Variants in CATSPERD observed in about 807,000 individuals in gnomAD.
CATSPERD encodes cation channel sperm-associated auxiliary subunit delta.
A neutral mutation model predicts 98.1 loss-of-function variants in CATSPERD; 86 were observed. That is an observed-to-expected ratio of 0.88 (90% CI 0.74 to 1.05). The LOEUF (loss-of-function observed/expected upper bound fraction) is 1.05. CATSPERD is among the 50% of genes least tolerant of loss of function. CATSPERD has a pLI of 0.00. For synonymous variants in CATSPERD, 394 were observed against 390.2 expected (o/e 1.01, Z -0.12); for missense variants, 995 against 1,005.7 (o/e 0.99, Z 0.14).
Position 5,750,234 on chromosome 19 carries a change from T to G in CATSPERD, c.987+1051T>G, listed in dbSNP as rs371317836. On this transcript the variant is annotated intron_variant, in intron 11 of 21. Coordinates refer to ENST00000381624, the MANE Select transcript of CATSPERD (RefSeq NM_152784.4). ...GTGGCCAAGGTGGGCGGATCACGAG[T>G]TCAGGAGATCGTGACCATCCTGGCT... Among the ~76,000 whole-genome samples the G allele has an allele frequency of 2.6e-3, 370 of 144,936 alleles. 1 individual carries two copies. Among genetic ancestry groups the G allele is most frequent in the Middle Eastern group, 0.011 (3 of 262 alleles).
chr19:5,754,133 T>TAG lies in CATSPERD; in HGVS notation c.1169_1170dup (p.Phe391SerfsTer3), dbSNP rs1476567620. On this transcript the variant is annotated frameshift_variant and splice_region_variant, in exon 13 of 22. Coordinates refer to ENST00000381624, the MANE Select transcript of CATSPERD (RefSeq NM_152784.4). LOFTEE classifies it high-confidence loss of function. ...TTTCTTCTTCGCCTTTTTAACTAGA[T>TAG]AGAGTTTCTGACAGGAGAATTTATA... The TAG allele has an allele frequency of 6.3e-7, 1 of 1,595,408 alleles. No individual in the cohort carries two copies. The highest frequency in any genetic ancestry group is 2.2e-5 in the East Asian group (1 of 44,806).
At chr19:5,728,784 C>T (rs573609060) in intron 3 of CATSPERD, among the ~76,000 whole-genome samples, 5 of 151,324 alleles carry the variant, frequency 3.3e-5, no homozygotes, top group Middle Eastern at 3.4e-3. Context: ...CTGCAACCTC[C>T]GCCTCCTGGG....
In CATSPERD at chr19:5,778,633, C is replaced by T. The variant is rs376284869; in HGVS notation, c.2354C>T (p.Pro785Leu). 312 of 1,613,540 alleles carry T rather than the reference C, an allele frequency of 1.9e-4. 4 individuals carry two copies. The South Asian group carries it at 3.2e-3, about 17-fold the overall frequency. ...SATARAGTEP[P>L]GRHRTPHGGR... ...ACAGCCAGGGCAGGCACAGAGCCCC[C>T]GGGACGCCACCGCACTCCTCACGGA... Residue 785 changes from proline to leucine, a missense_variant, in exon 22 of 22, where the codon CCG becomes CTG. Physicochemically the swap from Pro to Leu is moderately conservative, Grantham distance 98 (BLOSUM62 -3). Transcript: ENST00000381624.
At chr19:5,738,669 C>T (rs1201221359) in intron 6 of CATSPERD, among the ~76,000 whole-genome samples, 4 of 152,298 alleles carry the variant, frequency 2.6e-5, no homozygotes, top group South Asian at 2.1e-4. Context: ...TTGCAACCTC[C>T]GCCTCCCAGG....
intron 8 of CATSPERD, among the ~76,000 whole-genome samples, chr19:5,745,273 A>G (rs1476404234): frequency 1.3e-5 from 2 of 152,042 alleles, no homozygotes; most frequent in Non-Finnish European, 2.9e-5. Flanking sequence ...TTCAGTATGT[A>G]ATCAATATAA....
At chr19:5,763,847 C>CTTTTTTTTTTTTTTTTTTTTTATTTTTTT (rs56352544) in intron 16 of CATSPERD, among the ~76,000 whole-genome samples, 1 of 62,120 alleles carries the variant, frequency 1.6e-5, no homozygotes, top group Non-Finnish European at 3.2e-5. Flanking sequence ...TCTTGAACTC[C>CTTTTTTTTTTTTTTTTTTTTTATTTTTTT]TTTTTTTTTT....
intron 5 of CATSPERD, among the ~76,000 whole-genome samples, chr19:5,736,311 G>A (rs1341540127): frequency 2.6e-5 from 4 of 152,124 alleles, no homozygotes; most frequent in Admixed American, 6.6e-5. Context: ...TTGAGTGGTG[G>A]GTAGAGATAC....
At chr19:5,739,842 A>AAAAG (rs2055922338) in intron 7 of CATSPERD, among the ~76,000 whole-genome samples, 1 of 132,984 alleles carries the variant, frequency 7.5e-6, no homozygotes, top group African/African-American at 2.9e-5. Flanking sequence ...TCATCTCAAA[A>AAAAG]AAAAAAAAAA....
At chr19:5,762,357 G>A (rs774457899) in intron 15 of CATSPERD, among the ~76,000 whole-genome samples, 11 of 151,824 alleles carry the variant, frequency 7.2e-5, no homozygotes, top group Non-Finnish European at 1.6e-4. Flanking sequence ...ACCCACTGAG[G>A]CCAGCCCCAT....
rs148496323 is a variant in CATSPERD at position 5,743,648 on chromosome 19, GTCTCTC to G, written c.574-767_574-762del. On this transcript the variant is annotated intron_variant, in intron 7 of 21. Coordinates refer to ENST00000381624, the MANE Select transcript of CATSPERD (RefSeq NM_152784.4). ...TAGCAGTCTTAGTCTCTCTGTCTCTGTCTCTCTCTCTCTCTCTTCCTCTCTCTCTCT... is the reference window on the plus strand; with the variant it reads ...TAGCAGTCTTAGTCTCTCTGTCTCTGTCTCTCTCTCTTCCTCTCTCTCTCT... Among the ~76,000 whole-genome samples, 24 of 144,976 alleles carry G rather than the reference GTCTCTC, an allele frequency of 1.7e-4. No homozygotes were observed. The South Asian group carries it at 2.2e-3, about 13-fold the overall frequency.
chr19:5,744,990 T>C (rs2056067527), intron 8 of CATSPERD, among the ~76,000 whole-genome samples: 1 of 151,978 alleles, frequency 6.6e-6, no homozygotes, highest in Non-Finnish European at 1.5e-5. Flanking sequence ...TCACCCAGGC[T>C]GGAGTGCAGT....
intron 14 of CATSPERD, among the ~76,000 whole-genome samples, chr19:5,758,783 G>T (rs975926129): frequency 1.3e-5 from 2 of 151,432 alleles, no homozygotes; most frequent in Non-Finnish European, 2.9e-5. Context: ...CATTAGCCAG[G>T]CATGGTAACG....
chr19:5,724,361 C>G (rs2055562296), intron 1 of CATSPERD, among the ~76,000 whole-genome samples: 1 of 152,062 alleles, frequency 6.6e-6, no homozygotes, highest in Admixed American at 6.6e-5. Context: ...CCACGCCCAG[C>G]CTCATCCAAT....
chr19:5,743,594 A>C (rs2056032188), intron 7 of CATSPERD, among the ~76,000 whole-genome samples: 1 of 139,458 alleles, frequency 7.2e-6, no homozygotes, highest in Admixed American at 7.9e-5. Flanking sequence ...GTGAGACTCC[A>C]TCTCAAAAAA....
rs539900740 is a variant in CATSPERD, at chr19:5,750,228, C to T, written c.987+1045C>T. On this transcript the variant is annotated intron_variant, in intron 11 of 21. Transcript: ENST00000381624. ...CCTTGGGTGGCCAAGGTGGGCGGAT[C>T]ACGAGTTCAGGAGATCGTGACCATC... Among the ~76,000 whole-genome samples, 7 of 148,228 alleles carry T rather than the reference C, an allele frequency of 4.7e-5. No homozygotes were observed. The East Asian group carries it at 1.2e-3, about 26-fold the overall frequency.
At chr19:5,721,333 C>G (rs929645726) in intron 1 of CATSPERD, among the ~76,000 whole-genome samples, 1 of 149,818 alleles carries the variant, frequency 6.7e-6, no homozygotes, top group Non-Finnish European at 1.5e-5. Flanking sequence ...TTTTTGGAGC[C>G]GGAGTTTTTG....
chr19:5,745,866 C>T, intron 8 of CATSPERD, 47 bp from the exon 9 acceptor site: 2 of 1,605,418 alleles, frequency 1.2e-6, no homozygotes, highest in Non-Finnish European at 1.7e-6. Context: ...CAGTGGGACT[C>T]CACAGTAGGG....
intron 9 of CATSPERD, among the ~76,000 whole-genome samples, chr19:5,747,902 G>A (rs1445987131): frequency 1.3e-5 from 2 of 152,066 alleles, no homozygotes; most frequent in African/African-American, 2.4e-5. Flanking sequence ...GTGCACCCCC[G>A]CGCCTGGCAG....
chr19:5,729,973 A>G lies in CATSPERD; in HGVS notation c.276+29A>G, dbSNP rs752820945. On this transcript the variant is annotated intron_variant, in intron 4 of 21. Coordinates refer to ENST00000381624, the MANE Select transcript of CATSPERD (RefSeq NM_152784.4). ...GTTATTTTACTGAGTGATCTGAAGGATGCTAGTATAAGTAATATTTGGGGG... is the reference window on the plus strand; with the variant it reads ...GTTATTTTACTGAGTGATCTGAAGGGTGCTAGTATAAGTAATATTTGGGGG... 6 of 1,234,008 alleles carry G rather than the reference A, an allele frequency of 4.9e-6. No homozygotes were observed. In the South Asian group the frequency reaches 7.7e-5, roughly 16 times the overall value. 76.4% of individuals were successfully genotyped at this position (1,234,008 alleles called of 1,614,324 possible). A position where few individuals can be genotyped will look rare whatever the true frequency, so the allele number is the denominator to read the frequency against.
Sources: gnomAD v4.1 joint callset for allele counts (sites outside exome capture counted in the v4.1 genomes callset) on GRCh38, gnomAD v4.1.1 for gene constraint, MANE v1.5 for transcripts, NCBI Gene and HGNC (gene_info 2026-07-23, HGNC 2026-07-21) for gene names.